MAEA: variants seen among roughly 807,000 people sequenced by gnomAD.
MAEA encodes the protein macrophage erythroblast attacher, E3 ubiquitin ligase, also known as E3 ubiquitin-protein transferase MAEA.
MAEA carries 22 observed loss-of-function variants against 46.2 expected under a neutral mutation model. That is an observed-to-expected ratio of 0.48 (90% CI 0.34 to 0.68). The LOEUF is 0.68. Among genes scored for constraint, MAEA ranks in the 30% least tolerant of loss-of-function variants. The probability of loss-of-function intolerance (pLI) is 0.01; values close to 1 mark genes in which losing one functional copy is unlikely to be tolerated. For missense variants in MAEA, 393 were observed against 558.1 expected (o/e 0.70, Z 2.98); for synonymous variants, 246 against 222.6 (o/e 1.11, Z -0.94).
chr4:1,326,348 G>A (rs146747349), intron 4 of MAEA, among the ~76,000 whole-genome samples: 5 of 152,354 alleles, frequency 3.3e-5, no homozygotes, highest in East Asian at 3.9e-4. Flanking sequence ...TGGTGCCCAC[G>A]CCTATATCCT....
At chr4:1,323,066 C>T (rs186270613) in intron 4 of MAEA, among the ~76,000 whole-genome samples, 1 of 147,520 alleles carries the variant, frequency 6.8e-6, no homozygotes, top group Admixed American at 7.0e-5. Flanking sequence ...CTTGCCTTGG[C>T]CTCCTGAGTA....
Position 1,312,048 on chromosome 4 carries a change from G to A in MAEA, c.139G>A (p.Val47Ile), listed in dbSNP as rs1336542514. ...GAACATTGACCGGGAGACCAGCCACGTCACCATGGTGGTGGCCGAGCTGGA... is the reference window on the plus strand; with the variant it reads ...GAACATTGACCGGGAGACCAGCCACATCACCATGGTGGTGGCCGAGCTGGA... Reference protein sequence around the residue: ...QKNIDRETSHVTMVVAELEKT... With the variant: ...QKNIDRETSHITMVVAELEKT... The change falls in exon 2 of 9, where the codon GTC becomes ATC. Residue 47 changes from valine to isoleucine, a missense_variant. Around this residue, in one of 2 missense-constraint regions of MAEA, gnomAD observed 358 missense variants for 537.9 expected, o/e 0.67. Coordinates refer to ENST00000303400, the MANE Select transcript of MAEA (RefSeq NM_001017405.3). 2.5e-6 allele frequency: 4 copies of A among 1,613,966 alleles called. No homozygotes were observed. Among genetic ancestry groups the A allele is most frequent in the Admixed American group, 1.7e-5 (1 of 60,028 alleles).
chr4:1,325,179 C>T (rs770766230), intron 4 of MAEA, among the ~76,000 whole-genome samples: 2 of 152,132 alleles, frequency 1.3e-5, no homozygotes, highest in Non-Finnish European at 2.9e-5. Context: ...CTGGGACCAG[C>T]TGTGAGAACC....
intron 3 of MAEA, among the ~76,000 whole-genome samples, chr4:1,317,631 C>G (rs570358386): frequency 5.3e-5 from 8 of 152,218 alleles, no homozygotes; most frequent in Non-Finnish European, 1.0e-4. Context: ...AGTGAGTCCT[C>G]GTGTCCTGGA....
At position 1,321,282 on chromosome 4, in the gene MAEA, C is replaced by T. The variant is rs151297664; in HGVS notation, c.457-1099C>T. Among the ~76,000 whole-genome samples, 91 of 151,390 alleles carry T rather than the reference C, an allele frequency of 6.0e-4. 2 individuals carry two copies. The East Asian group carries it at 0.011, about 18-fold the overall frequency. ...TCATCAAAGCAAACGTGCAAGAAAACGCTATGAAGGGGCTTTAAAAAAGAT... is the reference window on the plus strand; with the variant it reads ...TCATCAAAGCAAACGTGCAAGAAAATGCTATGAAGGGGCTTTAAAAAAGAT... On this transcript the variant is annotated intron_variant, in intron 3 of 8. Transcript: ENST00000303400.
intron 1 of MAEA, among the ~76,000 whole-genome samples, chr4:1,300,989 C>T (rs1406101171): frequency 6.6e-6 from 1 of 152,204 alleles, no homozygotes; most frequent in African/African-American, 2.4e-5. Flanking sequence ...ACTGGCCCCT[C>T]CAGGACGGAG....
intron 2 of MAEA, among the ~76,000 whole-genome samples, chr4:1,314,872 G>A (rs946372266): frequency 6.6e-6 from 1 of 152,184 alleles, no homozygotes; most frequent in Non-Finnish European, 1.5e-5. Context: ...GTCAGTCGCC[G>A]TGTGTGCTGT....
At position 1,315,660 on chromosome 4, in the gene MAEA, G is replaced by C. The variant is rs1053331269; in HGVS notation, c.456+60G>C. On this transcript the variant is annotated intron_variant, in intron 3 of 8. Transcript: ENST00000303400. The stretch of plus-strand genomic sequence containing the variant: ...GCTGGCCCCAGGCCTATGGCCAGCC[G>C]CCCTGTGGCATGTCCCCCGGCATGC... 2.6e-6 allele frequency: 4 copies of C among 1,555,928 alleles called. No homozygotes were observed. In the Admixed American group the frequency reaches 5.2e-5, roughly 20 times the overall value.
At position 1,335,423 on chromosome 4, in the gene MAEA, T is replaced by A. The variant is rs1489548319; in HGVS notation, c.766-1438T>A. 17 of 985,330 alleles carry A rather than the reference T, an allele frequency of 1.7e-5. 1 individual carries two copies. In the South Asian group the frequency reaches 7.0e-4, roughly 41 times the overall value. The allele number at this position is 985,330 out of a possible 1,614,324, so 61.0% of individuals were successfully genotyped here. On this transcript the variant is annotated intron_variant, in intron 6 of 8. Coordinates refer to ENST00000303400, the MANE Select transcript of MAEA (RefSeq NM_001017405.3). ...GTGGCATGTTGAAATCAGAGTTAAGTCAGCACTGGCCCCACAGTGTGTTGA... is the reference window on the plus strand; with the variant it reads ...GTGGCATGTTGAAATCAGAGTTAAGACAGCACTGGCCCCACAGTGTGTTGA...
intron 3 of MAEA, among the ~76,000 whole-genome samples, chr4:1,322,050 C>G (rs1286991761): frequency 6.6e-6 from 1 of 152,168 alleles, no homozygotes; most frequent in Non-Finnish European, 1.5e-5. Context: ...GGAGTGGAGA[C>G]AGGGCCGCCT....
chr4:1,332,696 C>A (rs773809486), intron 5 of MAEA, 61 bp from the exon 6 acceptor site: 79 of 1,312,966 alleles, frequency 6.0e-5, no homozygotes, highest in Non-Finnish European at 8.1e-5. Flanking sequence ...AGAGTGAAAC[C>A]CTGTCTCTAA....
intron 3 of MAEA, among the ~76,000 whole-genome samples, chr4:1,321,347 T>C (rs915326734): frequency 2.7e-5 from 4 of 147,980 alleles, no homozygotes; most frequent in African/African-American, 7.6e-5. Flanking sequence ...TATGAAGGGG[T>C]TTCAGAAACG....
chr4:1,292,773 C>G (rs1224315861), intron 1 of MAEA, among the ~76,000 whole-genome samples: 1 of 152,140 alleles, frequency 6.6e-6, no homozygotes, highest in Non-Finnish European at 1.5e-5. Context: ...AGGACTCAGC[C>G]TTGCGTCCTG....
chr4:1,309,281 T>C (rs1216123097), intron 1 of MAEA, among the ~76,000 whole-genome samples: 1 of 152,026 alleles, frequency 6.6e-6, no homozygotes, highest in Non-Finnish European at 1.5e-5. Flanking sequence ...TTAGAGTCTT[T>C]AGCATTTCTG....
chr4:1,318,097 G>T (rs767984854), intron 3 of MAEA, among the ~76,000 whole-genome samples: 3 of 152,164 alleles, frequency 2.0e-5, no homozygotes, highest in Non-Finnish European at 2.9e-5. Flanking sequence ...CGCCTCCCTG[G>T]CCCCGTGTGC....
rs143265289 is a variant in MAEA, at chr4:1,314,946, C to T, written c.253-451C>T. 3.9e-3 allele frequency among the ~76,000 whole-genome samples: 599 copies of T among 152,318 alleles called. 5 individuals carry two copies. Among genetic ancestry groups the T allele is most frequent in the African/African-American group, 0.014 (573 of 41,576 alleles). On this transcript the variant is annotated intron_variant, in intron 2 of 8. Transcript: ENST00000303400. ...ACTGCCCTTAAGTGTGTGGCAGCCA[C>T]GTGGGCTGGTGGCAGCTGTGTTGGG...
In MAEA at chr4:1,329,568, C is replaced by T. The variant is rs868578700; in HGVS notation, c.656+1865C>T. The T allele has an allele frequency of 3.6e-5, 35 of 985,292 alleles. No homozygotes were observed. The South Asian group carries it at 7.5e-4, about 21-fold the overall frequency. The allele number at this position is 985,292 out of a possible 1,614,324, so 61.0% of individuals were successfully genotyped here. A position where few individuals can be genotyped will look rare whatever the true frequency, so the allele number is the denominator to read the frequency against. ...AACACCCCAGTGTCTCGGGGGCAGG[C>T]GCAGTGTGAGCTACATCCTCTGCTG... On this transcript the variant is annotated intron_variant, in intron 5 of 8. Coordinates refer to ENST00000303400, the MANE Select transcript of MAEA (RefSeq NM_001017405.3).
intron 2 of MAEA, 78 bp downstream of exon 2, chr4:1,312,239 G>T: frequency 6.4e-7 from 1 of 1,551,014 alleles, no homozygotes. Flanking sequence ...CCTAAGACAG[G>T]CAAGCTGCAA....
intron 3 of MAEA, among the ~76,000 whole-genome samples, chr4:1,320,299 A>G (rs1483465790): frequency 6.6e-6 from 1 of 151,810 alleles, no homozygotes; most frequent in East Asian, 1.9e-4. Context: ...AATCAAAGCA[A>G]ACGTGCAAGA....
Sources: allele counts gnomAD v4.1 joint callset (sites outside exome capture counted in the v4.1 genomes callset), GRCh38; gene constraint gnomAD v4.1.1; regional missense constraint gnomAD v4.1.1; transcripts MANE v1.5; gene names NCBI Gene and HGNC (gene_info 2026-07-23, HGNC 2026-07-21).